The following TPH2 variants were observed in gnomAD, a reference collection of about 807,000 sequenced individuals.
TPH2 encodes the protein tryptophan 5-hydroxylase 2.
A neutral mutation model predicts 59.1 loss-of-function variants in TPH2; 27 were observed. That is an observed-to-expected ratio of 0.46 (90% confidence interval 0.34 to 0.63). The LOEUF is 0.63. Ranked by LOEUF, TPH2 falls within the 30% of genes least tolerant of loss-of-function variation. The probability of loss-of-function intolerance (pLI) is 0.01; values close to 1 mark genes in which losing one functional copy is unlikely to be tolerated. For synonymous variants in TPH2, 220 were observed against 210.5 expected (o/e 1.05, Z -0.39); for missense variants, 523 against 588.3 (o/e 0.89, Z 1.15).
At chr12:72,015,999 A>G (rs2139239684) in intron 8 of TPH2, among the ~76,000 whole-genome samples, 1 of 152,274 alleles carries the variant, frequency 6.6e-6, no homozygotes, top group East Asian at 1.9e-4. Context: ...GTGGCCTTGT[A>G]TCCATAAGTG....
intron 9 of TPH2, among the ~76,000 whole-genome samples, chr12:72,027,215 T>G (rs1480342673): frequency 6.6e-6 from 1 of 152,194 alleles, no homozygotes; most frequent in Non-Finnish European, 1.5e-5. Flanking sequence ...ACTATCATAG[T>G]CTAGGACCTG....
chr12:71,999,083 A>G (rs1872760033), intron 8 of TPH2, among the ~76,000 whole-genome samples: 1 of 152,256 alleles, frequency 6.6e-6, no homozygotes. Context: ...CTCCACTAGG[A>G]CTAATCGGCA....
intron 7 of TPH2, among the ~76,000 whole-genome samples, chr12:71,986,750 G>A (rs12321434): frequency 0.07 from 10,534 of 151,194 alleles, 1,228 homozygotes; most frequent in African/African-American, 0.24. Context: ...GCACTTAGAA[G>A]CACCTGGCCC....
intron 7 of TPH2, among the ~76,000 whole-genome samples, chr12:71,993,122 C>T (rs1157974672): frequency 1.3e-5 from 2 of 152,122 alleles, no homozygotes; most frequent in Non-Finnish European, 2.9e-5. Flanking sequence ...AGTAACTGGC[C>T]AAGATTGGGG....
chr12:71,983,016 A>G (rs1872328258), intron 7 of TPH2, among the ~76,000 whole-genome samples: 1 of 152,082 alleles, frequency 6.6e-6, no homozygotes, highest in Non-Finnish European at 1.5e-5. Context: ...TTGCCTTCAC[A>G]CAATATATTC....
chr12:71,950,584 T>G (rs773980981), intron 5 of TPH2, among the ~76,000 whole-genome samples: 1 of 152,172 alleles, frequency 6.6e-6, no homozygotes, highest in Non-Finnish European at 1.5e-5. Flanking sequence ...GTTCTACTCA[T>G]GCTAGTATAA....
At chr12:71,954,341 C>T (rs1871435077) in intron 5 of TPH2, among the ~76,000 whole-genome samples, 2 of 152,132 alleles carry the variant, frequency 1.3e-5, no homozygotes, top group Admixed American at 1.3e-4. Flanking sequence ...AGGAAACACT[C>T]ATTAGTGCAA....
chr12:72,014,364 C>G (rs149917505), intron 8 of TPH2, among the ~76,000 whole-genome samples: 1 of 151,572 alleles, frequency 6.6e-6, no homozygotes, highest in African/African-American at 2.4e-5. Flanking sequence ...TCTCTTGAAG[C>G]CTAGTCCCAG....
chr12:71,954,819 T>A (rs905536638), intron 5 of TPH2, among the ~76,000 whole-genome samples: 2 of 116,872 alleles, frequency 1.7e-5, no homozygotes, highest in Admixed American at 1.0e-4. Flanking sequence ...CTCAACAATA[T>A]GCATGCATAT....
chr12:72,020,212 C>T (rs1387730032), intron 8 of TPH2, among the ~76,000 whole-genome samples: 2 of 152,152 alleles, frequency 1.3e-5, no homozygotes, highest in Admixed American at 6.5e-5. Flanking sequence ...TGCTAAACAT[C>T]CTACCATGTA....
chr12:71,944,535 G>A (rs747557889), intron 3 of TPH2, 51 bp from the exon 4 acceptor site: 1 of 1,613,694 alleles, frequency 6.2e-7, no homozygotes, highest in South Asian at 1.1e-5. Flanking sequence ...TTGCAAAGGG[G>A]AAAACACAAT....
In TPH2 at chr12:72,032,175, G is replaced by C; in HGVS notation, c.*480G>C. On this transcript the variant is annotated 3_prime_UTR_variant, in exon 11 of 11. Coordinates refer to ENST00000333850, the MANE Select transcript of TPH2 (RefSeq NM_173353.4). Reference sequence around the variant, plus strand: ...GAAACTTCCCATCACAATAACAAAGGTTCAATATTCTATTTCAAAAATTGT... The same window carrying C: ...GAAACTTCCCATCACAATAACAAAGCTTCAATATTCTATTTCAAAAATTGT... The C allele has an allele frequency of 5.7e-6, 1 of 174,820 alleles. No individual in the cohort carries two copies. The highest frequency in any genetic ancestry group is 1.2e-5 in the Non-Finnish European group (1 of 80,820). 10.8% of individuals were successfully genotyped at this position (174,820 alleles called of 1,614,324 possible).
intron 9 of TPH2, among the ~76,000 whole-genome samples, chr12:72,030,464 T>G (rs1004624543): frequency 6.6e-6 from 1 of 152,140 alleles, no homozygotes; most frequent in Non-Finnish European, 1.5e-5. Flanking sequence ...ACTTTTAACA[T>G]CACTGAATTT....
chr12:72,015,314 TG>T (rs375577463), intron 8 of TPH2, among the ~76,000 whole-genome samples: 26 of 145,942 alleles, frequency 1.8e-4, no homozygotes, highest in African/African-American at 4.3e-4. Context: ...TTTTTTTGGT[TG>T]TTTTTTTTTT....
At chr12:72,012,692 G>A (rs917018715) in intron 8 of TPH2, among the ~76,000 whole-genome samples, 3 of 152,250 alleles carry the variant, frequency 2.0e-5, no homozygotes, top group Non-Finnish European at 2.9e-5. Flanking sequence ...TCTTGCCAGA[G>A]TTTTAAGTGT....
At chr12:71,984,802 CT>C (rs1278578964) in intron 7 of TPH2, among the ~76,000 whole-genome samples, 1 of 152,182 alleles carries the variant, frequency 6.6e-6, no homozygotes, top group Non-Finnish European at 1.5e-5. Context: ...TCTGGCCTAC[CT>C]TTCCTGCTTT....
chr12:72,018,246 G>T (rs923052756), intron 8 of TPH2, among the ~76,000 whole-genome samples: 5 of 152,210 alleles, frequency 3.3e-5, no homozygotes, highest in African/African-American at 1.2e-4. Context: ...CCCAGATGAG[G>T]TCTGGGGCCA....
chr12:71,968,781 A>G (rs1226299889), intron 5 of TPH2, among the ~76,000 whole-genome samples: 1 of 152,148 alleles, frequency 6.6e-6, no homozygotes, highest in Non-Finnish European at 1.5e-5. Flanking sequence ...AGTGTGGTAC[A>G]GGTGGTACAG....
chr12:71,962,233 T>C (rs951282942), intron 5 of TPH2: 112 of 985,496 alleles, frequency 1.1e-4, no homozygotes, highest in Non-Finnish European at 1.3e-4. Flanking sequence ...GTTAAGTTGC[T>C]GTACTGATTT....
Sources: allele counts gnomAD v4.1 joint callset (sites outside exome capture counted in the v4.1 genomes callset), GRCh38; gene constraint gnomAD v4.1.1; transcripts MANE v1.5; gene names NCBI Gene and HGNC (gene_info 2026-07-23, HGNC 2026-07-21).